The following SEL1L3 variants were observed in gnomAD, a reference collection of about 807,000 sequenced individuals.
The protein encoded by SEL1L3 is SEL1L family member 3.
SEL1L3 carries 76 observed loss-of-function variants against 142.8 expected under a neutral mutation model. The observed-to-expected ratio is 0.53, with a 90% CI of 0.44 to 0.64. The LOEUF is 0.64. SEL1L3 is among the 30% of genes least tolerant of loss of function. SEL1L3 has a pLI of 0.00. For synonymous variants in SEL1L3, 504 were observed against 519.6 expected, an observed-to-expected ratio of 0.97 and a Z score of 0.41; for missense variants, 1,262 against 1,381.7, an observed-to-expected ratio of 0.91 and a Z score of 1.37.
At chr4:25,809,434 G>C (rs1046685870) in intron 9 of SEL1L3, among the ~76,000 whole-genome samples, 1 of 151,558 alleles carries the variant, frequency 6.6e-6, no homozygotes, top group African/African-American at 2.4e-5. Flanking sequence ...CTTGAGCCAC[G>C]GCGCCCAGCC....
At chr4:25,714,756 G>A in the SEL1L3 span, among the ~76,000 whole-genome samples, 7 of 151,798 alleles carry the variant, frequency 4.6e-5, no homozygotes, top group African/African-American at 1.2e-4. Flanking sequence ...TTTTTTAGTC[G>A]AGATGGGGTT....
chr4:25,768,431 T>C (rs952894158), intron 17 of SEL1L3, among the ~76,000 whole-genome samples: 1 of 152,152 alleles, frequency 6.6e-6, no homozygotes, highest in Non-Finnish European at 1.5e-5. Flanking sequence ...AGATTCATAT[T>C]TGGAATAATG....
the SEL1L3 span, among the ~76,000 whole-genome samples, chr4:25,736,996 C>CT: frequency 7.6e-5 from 11 of 144,792 alleles, no homozygotes; most frequent in East Asian, 1.6e-3. Context: ...TCTTTTTTTT[C>CT]TTTTTTTTGA....
chr4:25,796,544 G>T (rs990742165), intron 11 of SEL1L3, among the ~76,000 whole-genome samples: 5 of 152,106 alleles, frequency 3.3e-5, no homozygotes, highest in African/African-American at 1.2e-4. Flanking sequence ...TATAATCCCA[G>T]CACTTTGGGA....
rs1051640617 is a variant in SEL1L3 at position 25,782,471 on chromosome 4, G to A, written c.2281-53C>T. On this transcript the variant is annotated intron_variant, in intron 14 of 23. Coordinates refer to ENST00000399878, the MANE Select transcript of SEL1L3 (RefSeq NM_015187.5). ...ACTTTAGAAAAATGAAATCTAGAGAGCTCTGGAAGCAATTATTGTGGAAGC... is the reference window on the plus strand; with the variant it reads ...ACTTTAGAAAAATGAAATCTAGAGAACTCTGGAAGCAATTATTGTGGAAGC... 90 of 1,480,612 alleles carry A rather than the reference G, an allele frequency of 6.1e-5. 1 individual carries two copies. The highest frequency in any genetic ancestry group is 6.3e-5 in the Non-Finnish European group (68 of 1,082,230). 91.7% of individuals were successfully genotyped at this position (1,480,612 alleles called of 1,614,324 possible). A position where few individuals can be genotyped will look rare whatever the true frequency, so the allele number is the denominator to read the frequency against.
At chr4:25,815,988 T>C (rs934112571) in intron 9 of SEL1L3, among the ~76,000 whole-genome samples, 2 of 150,840 alleles carry the variant, frequency 1.3e-5, no homozygotes, top group Non-Finnish European at 2.9e-5. Context: ...TATTGTGAGA[T>C]TGAGAAACCC....
chr4:25,733,063 ATT>A, the SEL1L3 span, among the ~76,000 whole-genome samples: 20,136 of 146,514 alleles, frequency 0.14, 1,541 homozygotes, highest in Middle Eastern at 0.18. Flanking sequence ...TAACTTTGTT[ATT>A]TTTTTTTTTT....
At chr4:25,799,608 G>A (rs1402229008) in intron 11 of SEL1L3, among the ~76,000 whole-genome samples, 1 of 152,172 alleles carries the variant, frequency 6.6e-6, no homozygotes, top group East Asian at 1.9e-4. Flanking sequence ...AGCAGCAGGG[G>A]TGCACGTGGG....
chr4:25,767,745 T>C lies in SEL1L3; in HGVS notation c.2755A>G (p.Arg919Gly). 1.9e-6 allele frequency: 3 copies of C among 1,570,046 alleles called. No homozygotes were observed. The highest frequency in any genetic ancestry group is 1.7e-6 in the Non-Finnish European group (2 of 1,152,318). ...AGAAGAATACATTTACTTACTGGCC[T>C]CTCCTCACAGATGTGTGCTAAATTT... Reference protein sequence around the residue: ...QTNLAHICEERPDLARRYLGV... With the variant: ...QTNLAHICEEGPDLARRYLGV... The change falls in exon 18 of 24, where the codon AGG becomes GGG. Residue 919 changes from arginine (R) to glycine (G), a missense_variant. This residue lies in a region of SEL1L3 where 435 missense variants were observed against 559.2 expected (regional missense o/e 0.78). Transcript: ENST00000399878.
In SEL1L3 at chr4:25,788,289, C is replaced by T. The variant is rs766124048; in HGVS notation, c.2152G>A (p.Ala718Thr). ...KNPEAAIEWY[A>T]KGALETEDPA... is the part of the protein sequence containing the mutation. Reference sequence around the variant, plus strand: ...TCCTCCGTCTCCAGGGCGCCCTTGGCGTACCACTCAATTGCTGCTTCGGGA... The same window carrying T: ...TCCTCCGTCTCCAGGGCGCCCTTGGTGTACCACTCAATTGCTGCTTCGGGA... Residue 718 changes from alanine (A) to threonine (T), a missense_variant, in exon 13 of 24, where the codon GCC (alanine) becomes ACC (threonine). Transcript: ENST00000399878. This position sits in a 1 kb window ranked among gnomAD's most constrained non-coding sequence, Gnocchi z 5.3. 19 of 1,613,922 alleles carry T rather than the reference C, an allele frequency of 1.2e-5. No homozygotes were observed. Among genetic ancestry groups the T allele is most frequent in the South Asian group, 3.3e-5 (3 of 91,080 alleles).
intron 9 of SEL1L3, among the ~76,000 whole-genome samples, chr4:25,806,107 C>G (rs1377989257): frequency 6.8e-6 from 1 of 147,400 alleles, no homozygotes; most frequent in Non-Finnish European, 1.5e-5. Flanking sequence ...GGCGCGATCT[C>G]GGTTCACTGC....
At chr4:25,727,342 A>G in the SEL1L3 span, among the ~76,000 whole-genome samples, 3 of 152,174 alleles carry the variant, frequency 2.0e-5, no homozygotes, top group East Asian at 3.9e-4. Flanking sequence ...ATGAGCCACC[A>G]TGCCTGCCCC....
intron 1 of SEL1L3, 58 bp downstream of exon 1, chr4:25,862,617 A>T: frequency 1.0e-6 from 1 of 995,852 alleles, no homozygotes; most frequent in Non-Finnish European, 1.3e-6. Context: ...GGCCGCCCCC[A>T]CCCGCGTCCC....
chr4:25,718,446 A>G, the SEL1L3 span: 1 of 152,176 alleles, frequency 6.6e-6, no homozygotes, highest in African/African-American at 2.4e-5. Context: ...GGACTCGCTC[A>G]TAGTTTGAAT....
At chr4:25,738,207 T>C in the SEL1L3 span, among the ~76,000 whole-genome samples, 1 of 152,138 alleles carries the variant, frequency 6.6e-6, no homozygotes, top group East Asian at 1.9e-4. Flanking sequence ...TTTTTAATAA[T>C]ATTTTTGACC....
intron 17 of SEL1L3, among the ~76,000 whole-genome samples, chr4:25,775,654 T>C (rs921374557): frequency 3.3e-5 from 5 of 152,328 alleles, no homozygotes; most frequent in Non-Finnish European, 5.9e-5. Flanking sequence ...GTAAAATCTA[T>C]GAGTAACAGC....
At chr4:25,801,096 A>T (rs1713153248) in intron 11 of SEL1L3, among the ~76,000 whole-genome samples, 1 of 152,236 alleles carries the variant, frequency 6.6e-6, no homozygotes, top group Non-Finnish European at 1.5e-5. Flanking sequence ...CTCACTAAGC[A>T]GGGGCAAATC....
chr4:25,779,311 C>G, intron 15 of SEL1L3, 108 bp from the exon 16 acceptor site: 3 of 1,255,122 alleles, frequency 2.4e-6, no homozygotes, highest in Non-Finnish European at 3.3e-6. Context: ...CTTATAACTT[C>G]TGATAGCTTT....
intron 23 of SEL1L3, among the ~76,000 whole-genome samples, chr4:25,749,205 G>C (rs576395076): frequency 6.6e-6 from 1 of 152,136 alleles, no homozygotes; most frequent in Admixed American, 6.5e-5. Context: ...CTTGTGAATT[G>C]AGAGTCTTGG....
Sources: allele counts gnomAD v4.1 joint callset (sites outside exome capture counted in the v4.1 genomes callset), GRCh38; gene constraint gnomAD v4.1.1; regional missense constraint gnomAD v4.1.1; non-coding constraint Gnocchi (gnomAD v3.1); transcripts MANE v1.5; gene names NCBI Gene and HGNC (gene_info 2026-07-23, HGNC 2026-07-21).